ZDHHC11B: variants seen among roughly 807,000 people sequenced by gnomAD.
ZDHHC11B encodes probable palmitoyltransferase ZDHHC11B.
ZDHHC11B carries 17 observed loss-of-function variants against 42.3 expected under a neutral mutation model. That is an observed-to-expected ratio of 0.40 (90% CI 0.27 to 0.60). ZDHHC11B has a LOEUF of 0.60. Ranked by LOEUF, ZDHHC11B falls within the 20% of genes least tolerant of loss-of-function variation. ZDHHC11B has a pLI of 0.41. For synonymous variants in ZDHHC11B, 123 were observed against 193.5 expected (o/e 0.64, Z 3.02); for missense variants, 262 against 463.2 (o/e 0.57, Z 3.99).
In ZDHHC11B at chr5:710,360, G is replaced by GT. The variant is rs1225431751; in HGVS notation, c.*1929dup. 2.0e-5 allele frequency: 3 copies of GT among 152,510 alleles called. No homozygotes were observed. The highest frequency in any genetic ancestry group is 2.4e-5 in the African/African-American group (1 of 41,380). 9.4% of individuals were successfully genotyped at this position (152,510 alleles called of 1,614,324 possible). On this transcript the variant is annotated 3_prime_UTR_variant, in exon 14 of 14. Coordinates refer to ENST00000508859, the MANE Select transcript of ZDHHC11B (RefSeq NM_001351303.2). ...GAAACACAAAAACAGCCCAATGCAT[G>GT]TAGTAACTTATAGATATATTTAGAA...
At chr5:777,676 CAG>C (rs1736639034) in intron 1 of ZDHHC11B, among the ~76,000 whole-genome samples, 1 of 151,954 alleles carries the variant, frequency 6.6e-6, no homozygotes, top group African/African-American at 2.4e-5. Flanking sequence ...TCCATTTTGA[CAG>C]AGTGCTGATT....
Position 750,449 on chromosome 5 carries a change from C to T in ZDHHC11B, c.628+684G>A, listed in dbSNP as rs141687471. ...AGGCCCCCTCCCCTCTGCGTCTCTC[C>T]TTTCTCTTACAAGCACACTCGTGGC... On this transcript the variant is annotated intron_variant, in intron 7 of 13. Coordinates refer to ENST00000508859, the MANE Select transcript of ZDHHC11B (RefSeq NM_001351303.2). Among the ~76,000 whole-genome samples the T allele has an allele frequency of 9.7e-3, 1,356 of 139,810 alleles. 13 individuals carry two copies. The highest frequency in any genetic ancestry group is 0.027 in the African/African-American group (1,078 of 39,700). The allele number at this position is 139,810 out of a possible 152,430, so 91.7% of individuals were successfully genotyped here.
intron 12 of ZDHHC11B, among the ~76,000 whole-genome samples, chr5:728,583 C>T (rs1380594220): frequency 6.6e-6 from 1 of 151,898 alleles, no homozygotes; most frequent in African/African-American, 2.4e-5. Flanking sequence ...GTAATCTATG[C>T]CATATTGTTG....
rs1743433013 is a variant in ZDHHC11B, at chr5:735,673, A to G, written c.936-1834T>C. Among the ~76,000 whole-genome samples the G allele has an allele frequency of 1.4e-5, 2 of 145,344 alleles. 1 individual carries two copies. The highest frequency in any genetic ancestry group is 4.8e-4 in the South Asian group (2 of 4,182). ...TGGGGTCCTATCTCTAGCCTCTCCA[A>G]GCAAAATAATTAACAGCCAATAATT... is the stretch of plus-strand genomic sequence containing the variant. On this transcript the variant is annotated intron_variant, in intron 10 of 13. Coordinates refer to ENST00000508859, the MANE Select transcript of ZDHHC11B (RefSeq NM_001351303.2).
intron 10 of ZDHHC11B, among the ~76,000 whole-genome samples, chr5:736,303 AC>A (rs1291440426): frequency 6.7e-6 from 1 of 149,880 alleles, no homozygotes; most frequent in East Asian, 2.0e-4. Flanking sequence ...CTAACGAGGA[AC>A]CCCCCAAATT....
Position 710,667 on chromosome 5 carries a change from C to A in ZDHHC11B, c.*1623G>T. ...GCTCCCATTTCTCAGTACTGTGCTC[C>A]CATTTCCCAGCACTATGCTCCCATT... On this transcript the variant is annotated 3_prime_UTR_variant, in exon 14 of 14. Transcript: ENST00000508859. 6.5e-6 allele frequency: 1 copy of A among 154,242 alleles called. No individual in the cohort carries two copies. The allele number at this position is 154,242 out of a possible 1,614,324, so 9.6% of individuals were successfully genotyped here.
At chr5:721,158 A>G (rs1280354056) in intron 12 of ZDHHC11B, among the ~76,000 whole-genome samples, 1 of 151,476 alleles carries the variant, frequency 6.6e-6, no homozygotes, top group African/African-American at 2.4e-5. Flanking sequence ...TAAGACATTA[A>G]TTATTATCCC....
intron 1 of ZDHHC11B, among the ~76,000 whole-genome samples, chr5:784,184 G>GC (rs2150253721): frequency 6.6e-6 from 1 of 151,304 alleles, no homozygotes; most frequent in Non-Finnish European, 1.5e-5. Flanking sequence ...CGTTTCTGTG[G>GC]CCAGGGATCT....
intron 4 of ZDHHC11B, among the ~76,000 whole-genome samples, chr5:761,006 A>G (rs1734535919): frequency 6.6e-6 from 1 of 151,850 alleles, no homozygotes; most frequent in African/African-American, 2.4e-5. Flanking sequence ...AGATACCAGC[A>G]GCTGCCAGGA....
intron 6 of ZDHHC11B, among the ~76,000 whole-genome samples, chr5:751,606 A>T (rs1437264618): frequency 8.1e-6 from 1 of 123,642 alleles, no homozygotes; most frequent in African/African-American, 2.6e-5. Context: ...GGGCATCTGG[A>T]GCCCGCAGGG....
chr5:732,595 T>C, intron 11 of ZDHHC11B: 1 of 445,534 alleles, frequency 2.2e-6, no homozygotes, highest in Non-Finnish European at 4.5e-6. Flanking sequence ...CCAGGTTGGG[T>C]GATCCATTTT....
At chr5:717,289 C>A (rs568374258) in intron 12 of ZDHHC11B, among the ~76,000 whole-genome samples, 1 of 151,040 alleles carries the variant, frequency 6.6e-6, no homozygotes, top group Non-Finnish European at 1.5e-5. Context: ...TGTTTTTATA[C>A]CCACATCTTG....
intron 10 of ZDHHC11B, among the ~76,000 whole-genome samples, chr5:737,000 CAAAA>C (rs1254879339): frequency 6.9e-6 from 1 of 144,616 alleles, no homozygotes; most frequent in Non-Finnish European, 1.5e-5. Context: ...AACAAAAAAA[CAAAA>C]AAACCACAAA....
intron 1 of ZDHHC11B, among the ~76,000 whole-genome samples, chr5:779,118 A>G (rs1219348711): frequency 2.0e-5 from 3 of 151,474 alleles, no homozygotes; most frequent in Non-Finnish European, 2.9e-5. Flanking sequence ...TTACAGCAAC[A>G]CACACAGACT....
At chr5:755,304 G>T (rs1370411908) in intron 5 of ZDHHC11B, among the ~76,000 whole-genome samples, 3 of 136,216 alleles carry the variant, frequency 2.2e-5, no homozygotes, top group African/African-American at 7.7e-5. Context: ...GTGGGCAGAG[G>T]TAGCCACAGA....
chr5:728,102 C>T lies in ZDHHC11B; in HGVS notation c.1058+2332G>A, dbSNP rs548744034. 2.4e-4 allele frequency among the ~76,000 whole-genome samples: 37 copies of T among 151,736 alleles called. No individual in the cohort carries two copies. In the South Asian group the frequency reaches 6.4e-3, roughly 26 times the overall value. On this transcript the variant is annotated intron_variant, in intron 12 of 13. Transcript: ENST00000508859. ...ACAACTCCATTTAAAAGTGTGCAAA[C>T]ATTTGAAAAGCTAATTCATACAAGA...
chr5:722,348 A>T (rs1742253488), intron 12 of ZDHHC11B, among the ~76,000 whole-genome samples: 1 of 151,692 alleles, frequency 6.6e-6, no homozygotes, highest in South Asian at 2.1e-4. Flanking sequence ...AACTCATATA[A>T]ATCAATAAGA....
intron 13 of ZDHHC11B, among the ~76,000 whole-genome samples, chr5:714,585 C>T (rs1415190367): frequency 2.8e-5 from 3 of 108,560 alleles, no homozygotes; most frequent in African/African-American, 1.0e-4. Flanking sequence ...AAAAATAATG[C>T]AAATGATAAA....
intron 10 of ZDHHC11B, among the ~76,000 whole-genome samples, chr5:739,062 T>C (rs1743855824): frequency 1.3e-5 from 2 of 150,582 alleles, no homozygotes; most frequent in South Asian, 4.3e-4. Context: ...AAAGGACTAA[T>C]ATCCAGAATC....
Sources: allele counts gnomAD v4.1 joint callset (sites outside exome capture counted in the v4.1 genomes callset), GRCh38; gene constraint gnomAD v4.1.1; transcripts MANE v1.5; gene names NCBI Gene and HGNC (gene_info 2026-07-23, HGNC 2026-07-21).